The following TBC1D19 variants were observed in gnomAD, a reference collection of about 807,000 sequenced individuals.
TBC1D19 encodes TBC1 domain family member 19, also known as TBC1 domain family, member 19.
A neutral mutation model predicts 89.0 loss-of-function variants in TBC1D19; 60 were observed. That is an observed-to-expected ratio of 0.67 (90% confidence interval 0.55 to 0.84). The LOEUF (loss-of-function observed/expected upper bound fraction) is 0.84. Among genes scored for constraint, TBC1D19 ranks in the 40% least tolerant of loss-of-function variants. TBC1D19 has a pLI of 0.00. For synonymous variants in TBC1D19, 189 were observed against 199.7 expected (o/e 0.95, Z 0.45); for missense variants, 500 against 610.8 (o/e 0.82, Z 1.91).
the TBC1D19 span, among the ~76,000 whole-genome samples, chr4:26,813,018 G>A: frequency 6.6e-6 from 1 of 152,076 alleles, no homozygotes; most frequent in African/African-American, 2.4e-5. Flanking sequence ...AGGAGTTTGA[G>A]ACCAGCCTGG....
chr4:26,602,089 T>C (rs1276918732), intron 1 of TBC1D19, among the ~76,000 whole-genome samples: 1 of 152,228 alleles, frequency 6.6e-6, no homozygotes, highest in African/African-American at 2.4e-5. Flanking sequence ...TTTTGTAGTT[T>C]GTAGGTTGAA....
chr4:26,847,333 T>C, the TBC1D19 span, among the ~76,000 whole-genome samples: 2 of 151,836 alleles, frequency 1.3e-5, no homozygotes, highest in Admixed American at 6.6e-5. Context: ...TGGGTGGATG[T>C]GAGGGTTACA....
intron 1 of TBC1D19, among the ~76,000 whole-genome samples, chr4:26,610,772 G>T (rs1195453006): frequency 6.6e-6 from 1 of 151,800 alleles, no homozygotes; most frequent in African/African-American, 2.4e-5. Flanking sequence ...GTTGCTAGAC[G>T]TGATCTCGTT....
chr4:26,718,558 A>T (rs1012407718), intron 14 of TBC1D19, among the ~76,000 whole-genome samples: 5 of 152,092 alleles, frequency 3.3e-5, no homozygotes, highest in African/African-American at 1.2e-4. Flanking sequence ...TAAATGGTGA[A>T]CACCCAACAC....
chr4:26,615,455 C>CTTT (rs35104373), intron 3 of TBC1D19, among the ~76,000 whole-genome samples: 1 of 145,684 alleles, frequency 6.9e-6, no homozygotes, highest in Non-Finnish European at 1.5e-5. Flanking sequence ...TGCACGTCTG[C>CTTT]TTTTTTTTTT....
At position 26,654,121 on chromosome 4, in the gene TBC1D19, C is replaced by T. The variant is rs541156451; in HGVS notation, c.481-5476C>T. On this transcript the variant is annotated intron_variant, in intron 7 of 20. Transcript: ENST00000264866. The stretch of plus-strand genomic sequence containing the variant: ...TTGTATGTAAAGGATTTTATTTCTC[C>T]TTCACTTACAAAGCTTAGTTTGTCT... Among the ~76,000 whole-genome samples the T allele has an allele frequency of 2.5e-4, 38 of 152,232 alleles. No individual in the cohort carries two copies. In the South Asian group the frequency reaches 7.3e-3, roughly 29 times the overall value.
At chr4:26,835,008 A>G in the TBC1D19 span, among the ~76,000 whole-genome samples, 1 of 152,240 alleles carries the variant, frequency 6.6e-6, no homozygotes, top group East Asian at 1.9e-4. Flanking sequence ...AGGCAGAATA[A>G]TGGCCTCCAA....
chr4:26,716,612 C>T (rs906985396), intron 13 of TBC1D19, among the ~76,000 whole-genome samples: 7 of 151,824 alleles, frequency 4.6e-5, no homozygotes, highest in African/African-American at 1.5e-4. Flanking sequence ...GAATATTCTG[C>T]AACATAAAAA....
the TBC1D19 span, among the ~76,000 whole-genome samples, chr4:26,854,451 C>G: frequency 6.6e-6 from 1 of 152,192 alleles, no homozygotes; most frequent in Non-Finnish European, 1.5e-5. Context: ...TTGCCATTAT[C>G]ATAAATTTGA....
intron 7 of TBC1D19, among the ~76,000 whole-genome samples, chr4:26,643,387 A>G (rs1311636993): frequency 6.6e-6 from 1 of 152,222 alleles, no homozygotes; most frequent in Non-Finnish European, 1.5e-5. Flanking sequence ...AATGAGAACA[A>G]AGAGAAACAT....
intron 4 of TBC1D19, among the ~76,000 whole-genome samples, chr4:26,625,904 C>G (rs1414301606): frequency 6.6e-6 from 1 of 151,996 alleles, no homozygotes; most frequent in Non-Finnish European, 1.5e-5. Flanking sequence ...TATTTGTGAG[C>G]CTTCTCCACT....
the TBC1D19 span, among the ~76,000 whole-genome samples, chr4:26,831,655 T>C: frequency 6.6e-6 from 1 of 151,336 alleles, no homozygotes; most frequent in South Asian, 2.1e-4. Flanking sequence ...TGATTTTGGC[T>C]TACTGCAAGC....
chr4:26,810,431 C>CT, the TBC1D19 span, among the ~76,000 whole-genome samples: 1 of 152,188 alleles, frequency 6.6e-6, no homozygotes, highest in African/African-American at 2.4e-5. Context: ...ACTAAACTCT[C>CT]TAATTCTTTA....
rs1477535025 is a variant in TBC1D19 at position 26,584,227 on chromosome 4, A to G, written c.34A>G (p.Ile12Val). Residue 12 changes from isoleucine (I) to valine (V), a missense_variant, in exon 1 of 21, where the codon ATT (isoleucine) becomes GTT (valine). Around this residue, in one of 2 missense-constraint regions of TBC1D19, gnomAD observed 280 missense variants for 291.7 expected, o/e 0.96. Coordinates refer to ENST00000264866, the MANE Select transcript of TBC1D19 (RefSeq NM_018317.4). ...LQEESDLSLIIAQIVQKLKGS... is the reference protein window; with the variant it reads ...LQEESDLSLIVAQIVQKLKGS... ...GGAGGAGTCGGACCTCTCTCTCATT[A>G]TTGCCCAGATAGTCCAAAAGCTCAA... 3 of 1,612,842 alleles carry G rather than the reference A, an allele frequency of 1.9e-6. No individual in the cohort carries two copies. The highest frequency in any genetic ancestry group is 1.7e-5 in the Admixed American group (1 of 59,826).
Position 26,584,702 on chromosome 4 carries a change from TG to T in TBC1D19, c.99+413del, listed in dbSNP as rs1306772034. Among the ~76,000 whole-genome samples, 4 of 152,322 alleles carry T rather than the reference TG, an allele frequency of 2.6e-5. No individual in the cohort carries two copies. The South Asian group carries it at 8.3e-4, about 32-fold the overall frequency. ...ACTTTTTCCGTCCTGTGGGTGGACT[TG>T]GGCCCCCAAGTACCTTTCTGCTTTC... On this transcript the variant is annotated intron_variant, in intron 1 of 20. Transcript: ENST00000264866.
intron 1 of TBC1D19, among the ~76,000 whole-genome samples, chr4:26,586,509 A>C (rs1739427974): frequency 1.3e-5 from 2 of 152,176 alleles, no homozygotes; most frequent in African/African-American, 4.8e-5. Context: ...AAATTGTTGA[A>C]AATTGGATTG....
upstream of TBC1D19, among the ~76,000 whole-genome samples, chr4:26,583,448 CTGGAAGACT>C (rs1164680223): frequency 6.6e-6 from 1 of 152,148 alleles, no homozygotes; most frequent in Non-Finnish European, 1.5e-5. Context: ...CGGTAAATTC[CTGGAAGACT>C]TGGACAATGT....
At chr4:26,776,689 T>C in the TBC1D19 span, among the ~76,000 whole-genome samples, 1 of 152,242 alleles carries the variant, frequency 6.6e-6, no homozygotes, top group Non-Finnish European at 1.5e-5. Context: ...TGATAAGAGC[T>C]TGTATGTACT....
At chr4:26,695,158 G>A (rs1208853740) in intron 13 of TBC1D19, among the ~76,000 whole-genome samples, 6 of 152,184 alleles carry the variant, frequency 3.9e-5, no homozygotes, top group Non-Finnish European at 5.9e-5. Context: ...AGAGAAGTAC[G>A]TAAGTGACCT....
Sources: allele counts gnomAD v4.1 joint callset (sites outside exome capture counted in the v4.1 genomes callset), GRCh38; gene constraint gnomAD v4.1.1; regional missense constraint gnomAD v4.1.1; transcripts MANE v1.5; gene names NCBI Gene and HGNC (gene_info 2026-07-23, HGNC 2026-07-21).